The following CHPF variants were observed in gnomAD, a reference collection of about 807,000 sequenced individuals.
The protein encoded by CHPF is chondroitin polymerizing factor, non-catalytic subunit.
A neutral mutation model predicts 55.1 loss-of-function variants in CHPF; 34 were observed. The observed-to-expected ratio is 0.62, with a 90% CI of 0.47 to 0.82. The LOEUF is 0.82. Ranked by LOEUF, CHPF falls within the 40% of genes least tolerant of loss-of-function variation. CHPF has a pLI of 0.00. For missense variants in CHPF, 961 were observed against 1,106.1 expected, an observed-to-expected ratio of 0.87 and a Z score of 1.86; for synonymous variants, 489 against 496.6, an observed-to-expected ratio of 0.98 and a Z score of 0.20.
rs748936818 is a variant in CHPF, at chr2:219,542,003, C to T, written c.501G>A (p.Thr167=). 1 of 1,602,282 alleles carries T rather than the reference C, an allele frequency of 6.2e-7. No homozygotes were observed. The highest frequency in any genetic ancestry group is 2.3e-5 in the East Asian group (1 of 44,164). ...RRAPPGMAVV[T]LGEERPIGHL... ...GTCCAATGGGTCGCTCCTCGCCTAG[C>T]GTCACCACTGCCATGCCAGGTGGGG... Residue 167 remains threonine, a synonymous_variant, in exon 2 of 4, where the codon ACG becomes ACA. Transcript: ENST00000243776.
rs1446855062 is a variant in CHPF, at chr2:219,540,292, G to A, written c.1419C>T (p.Thr473=). 2 of 1,613,904 alleles carry A rather than the reference G, an allele frequency of 1.2e-6. No homozygotes were observed. Among genetic ancestry groups the A allele is most frequent in the Middle Eastern group, 1.7e-4 (1 of 6,060 alleles). The change falls in exon 4 of 4, where the codon ACC becomes ACT. Residue 473 remains threonine, a synonymous_variant. Transcript: ENST00000243776. The part of the protein sequence containing the change: ...YTLDLQLEAL[T]PQGGRRPLTR... ...TGAGGGGCCGGCGGCCTCCCTGGGGGGTCAGTGCCTCCAGCTGCAAGTCCA... is the reference window on the plus strand; with the variant it reads ...TGAGGGGCCGGCGGCCTCCCTGGGGAGTCAGTGCCTCCAGCTGCAAGTCCA...
Position 219,541,719 on chromosome 2 carries a change from T to C in CHPF, c.785A>G (p.His262Arg). The C allele has an allele frequency of 6.2e-7, 1 of 1,611,344 alleles. No individual in the cohort carries two copies. Among genetic ancestry groups the C allele is most frequent in the Non-Finnish European group, 8.5e-7 (1 of 1,178,926 alleles). Residue 262 changes from histidine to arginine, a missense_variant, in exon 2 of 4, where the codon CAC becomes CGC. His to Arg is a conservative substitution (Grantham distance 29). This residue lies in a region of CHPF where 936 missense variants were observed against 1,058.4 expected (regional missense o/e 0.88). Transcript: ENST00000243776. Reference protein sequence around the residue: ...SRMLLQQLRPHLEGCRNDIVS... With the variant: ...SRMLLQQLRPRLEGCRNDIVS... ...GATGTCGTTGCGGCAGCCTTCCAGG[T>C]GGGGGCGCAGTTGTTGCAGCAGCAT...
At chr2:219,542,263 A>G in intron 1 of CHPF, 74 bp from the exon 2 acceptor site, 1 of 1,002,010 alleles carries the variant, frequency 1.0e-6, no homozygotes, top group Non-Finnish European at 1.4e-6. Context: ...GTCAGCACAG[A>G]CCCTGGCAGG....
Position 219,540,181 on chromosome 2 carries a change from C to T in CHPF, c.1530G>A (p.Val510=). 6.2e-7 allele frequency: 1 copy of T among 1,610,194 alleles called. No homozygotes were observed. Among genetic ancestry groups the T allele is most frequent in the Non-Finnish European group, 8.5e-7 (1 of 1,178,364 alleles). ...PYVTEASRLT[V]LLPLAAAERD... ...GCTCAGCCGCAGCTAGAGGCAGCAG[C>T]ACAGTGAGACGTGAGGCCTCAGTGA... The change falls in exon 4 of 4, where the codon GTG becomes GTA. Residue 510 remains valine (V), a synonymous_variant. Transcript: ENST00000243776.
intron 1 of CHPF, 96 bp from the exon 2 acceptor site, chr2:219,542,285 CTG>C (rs1695290591): frequency 1.1e-6 from 1 of 911,304 alleles, no homozygotes; most frequent in Non-Finnish European, 1.6e-6. Flanking sequence ...CACGTCTTCT[CTG>C]TATCTGTTCT....
chr2:219,543,151 C>T (rs556130443), intron 1 of CHPF, 74 bp downstream of exon 1: 7 of 1,372,110 alleles, frequency 5.1e-6, no homozygotes, highest in African/African-American at 1.5e-5. Flanking sequence ...GGAGCCTGAC[C>T]CGGGCCCGGG....
chr2:219,540,739 C>G (rs1467739578), intron 3 of CHPF, 97 bp from the exon 4 acceptor site: 3 of 1,315,456 alleles, frequency 2.3e-6, no homozygotes, highest in Non-Finnish European at 3.1e-6. Context: ...TCAGGATGGG[C>G]CCCTCATCCC....
rs765155405 is a variant in CHPF, at chr2:219,540,456, G to T, written c.1255C>A (p.Arg419=). ...SPRCPLRGAD[R]ADVADVLGTA... ...CCCAGAACATCGGCCACATCAGCCCGGTCAGCCCCACGCAGTGGGCAGCGG... is the reference window on the plus strand; with the variant it reads ...CCCAGAACATCGGCCACATCAGCCCTGTCAGCCCCACGCAGTGGGCAGCGG... Residue 419 remains arginine (R), a synonymous_variant, in exon 4 of 4, where the codon CGG becomes AGG. Coordinates refer to ENST00000243776, the MANE Select transcript of CHPF (RefSeq NM_024536.6). 1.1e-5 allele frequency: 18 copies of T among 1,613,654 alleles called. No homozygotes were observed. In the Admixed American group the frequency reaches 3.0e-4, roughly 27 times the overall value.
At chr2:219,541,417 C>A in intron 2 of CHPF, 199 bp downstream of exon 2, 1 of 565,162 alleles carries the variant, frequency 1.8e-6, no homozygotes, top group South Asian at 2.9e-5. Flanking sequence ...GTAACAACCC[C>A]GAGCAATAAT....
In CHPF at chr2:219,542,603, T is replaced by C. The variant is rs1280327681; in HGVS notation, c.315-414A>G. Among the ~76,000 whole-genome samples the C allele has an allele frequency of 2.6e-5, 4 of 152,268 alleles. No homozygotes were observed. The East Asian group carries it at 7.7e-4, about 29-fold the overall frequency. On this transcript the variant is annotated intron_variant, in intron 1 of 3. Coordinates refer to ENST00000243776, the MANE Select transcript of CHPF (RefSeq NM_024536.6). ...AATATGCCATTATGCCACAAATGCC[T>C]CACATAAATGACATAAAGGAACGTT...
At chr2:219,543,196 G>T (rs10932810) in intron 1 of CHPF, 29 bp downstream of exon 1, 261,614 of 1,459,600 alleles carry the variant, frequency 0.18, 24,142 homozygotes, top group Admixed American at 0.21. Flanking sequence ...CGCTGCCCAG[G>T]GGGTAGAGCG....
chr2:219,541,685 C>A lies in CHPF; in HGVS notation c.819G>T (p.Ala273=), dbSNP rs1160020764. 1 of 1,610,944 alleles carries A rather than the reference C, an allele frequency of 6.2e-7. No individual in the cohort carries two copies. The highest frequency in any genetic ancestry group is 1.7e-5 in the Admixed American group (1 of 59,902). The change falls in exon 2 of 4, where the codon GCG becomes GCT. Residue 273 remains alanine (A), a synonymous_variant. Coordinates refer to ENST00000243776, the MANE Select transcript of CHPF (RefSeq NM_024536.6). Reference sequence around the variant, plus strand: ...AGCGACCCAGCCACTCGTCAGGGCGCGCACTGACGATGTCGTTGCGGCAGC... The same window carrying A: ...AGCGACCCAGCCACTCGTCAGGGCGAGCACTGACGATGTCGTTGCGGCAGC... ...LEGCRNDIVS[A]RPDEWLGRCI...
Position 219,541,732 on chromosome 2 carries a change from G to T in CHPF, c.772C>A (p.Gln258Lys), listed in dbSNP as rs1695273039. The change falls in exon 2 of 4, where the codon CAA becomes AAA. Residue 258 changes from glutamine to lysine, a missense_variant. This residue lies in a region of CHPF where 936 missense variants were observed against 1,058.4 expected (regional missense o/e 0.88). Coordinates refer to ENST00000243776, the MANE Select transcript of CHPF (RefSeq NM_024536.6). Reference sequence around the variant, plus strand: ...CAGCCTTCCAGGTGGGGGCGCAGTTGTTGCAGCAGCATGCGCGACAGCAGC... The same window carrying T: ...CAGCCTTCCAGGTGGGGGCGCAGTTTTTGCAGCAGCATGCGCGACAGCAGC... ...GVLLSRMLLQ[Q>K]LRPHLEGCRN... 1 of 1,611,164 alleles carries T rather than the reference G, an allele frequency of 6.2e-7. No individual in the cohort carries two copies.
At chr2:219,542,721 T>C (rs763194858) in intron 1 of CHPF, among the ~76,000 whole-genome samples, 8 of 152,118 alleles carry the variant, frequency 5.3e-5, no homozygotes, top group South Asian at 2.1e-4. Flanking sequence ...AGAAGGTAAA[T>C]TGCAGAACCA....
chr2:219,543,652 G>A lies in CHPF; in HGVS notation c.-114C>T, dbSNP rs1453601343. 5.1e-6 allele frequency: 4 copies of A among 789,398 alleles called. No individual in the cohort carries two copies. Among genetic ancestry groups the A allele is most frequent in the Admixed American group, 8.6e-5 (2 of 23,210 alleles). 48.9% of individuals were successfully genotyped at this position (789,398 alleles called of 1,614,324 possible). Reference sequence around the variant, plus strand: ...TCCGGAGGGCTCGGGCCCCGCGGGCGGGCCCGCTCCCTCCCCGCAGAGCAG... The same window carrying A: ...TCCGGAGGGCTCGGGCCCCGCGGGCAGGCCCGCTCCCTCCCCGCAGAGCAG... On this transcript the variant is annotated 5_prime_UTR_variant, in exon 1 of 4. Transcript: ENST00000243776.
chr2:219,541,970 G>T lies in CHPF; in HGVS notation c.534C>A (p.His178Gln). Residue 178 changes from histidine to glutamine, a missense_variant, in exon 2 of 4, where the codon CAC (histidine) becomes CAA (glutamine). Coordinates refer to ENST00000243776, the MANE Select transcript of CHPF (RefSeq NM_024536.6). ...GCTCCAGCAGGTGGCGCAGCGCCAG[G>T]TGCAGGTGTCCAATGGGTCGCTCCT... ...LGEERPIGHL[H>Q]LALRHLLEQH... 6.2e-7 allele frequency: 1 copy of T among 1,611,242 alleles called. No homozygotes were observed.
Position 219,539,883 on chromosome 2 carries a change from G to A in CHPF, c.1828C>T (p.Leu610=). Residue 610 remains leucine (L), a synonymous_variant, in exon 4 of 4, where the codon CTG becomes TTG. Transcript: ENST00000243776. ...LLSKKHPLDT[L]FLLAGPDTVL... The stretch of plus-strand genomic sequence containing the variant: ...GTGTCTGGCCCGGCCAGCAGGAACA[G>A]TGTGTCCAGCGGGTGCTTCTTGGAG... The A allele has an allele frequency of 1.2e-6, 2 of 1,613,738 alleles. No homozygotes were observed. Among genetic ancestry groups the A allele is most frequent in the Non-Finnish European group, 8.5e-7 (1 of 1,180,002 alleles).
rs771741638 is a variant in CHPF, at chr2:219,542,167, G to C, written c.337C>G (p.Leu113Val). 2.2e-6 allele frequency: 3 copies of C among 1,395,142 alleles called. No homozygotes were observed. Among genetic ancestry groups the C allele is most frequent in the Non-Finnish European group, 2.8e-6 (3 of 1,060,130 alleles). 86.4% of individuals were successfully genotyped at this position (1,395,142 alleles called of 1,614,324 possible). The change falls in exon 2 of 4, where the codon CTG becomes GTG. Residue 113 changes from leucine (L) to valine (V), a missense_variant. Around this residue, in one of 3 missense-constraint regions of CHPF, gnomAD observed 936 missense variants for 1,058.4 expected, o/e 0.88. Coordinates refer to ENST00000243776, the MANE Select transcript of CHPF (RefSeq NM_024536.6). ...AVRTRYISTE[L>V]GIRQRLLVAV... ...ACCAGCAGCCTCTGCCTGATGCCCA[G>C]CTCCGTGCTGATGTAGCGGGTCCTA...
chr2:219,542,815 A>G (rs1310238850), intron 1 of CHPF: 1 of 710,672 alleles, frequency 1.4e-6, no homozygotes, highest in African/African-American at 1.9e-5. Flanking sequence ...TCCCTCCCCC[A>G]TCTCACCCTG....
Sources: gnomAD v4.1 joint callset for allele counts (sites outside exome capture counted in the v4.1 genomes callset) on GRCh38, gnomAD v4.1.1 for gene constraint, gnomAD v4.1.1 regional missense constraint, MANE v1.5 for transcripts, NCBI Gene and HGNC (gene_info 2026-07-23, HGNC 2026-07-21) for gene names.